Variants in ATG5 observed in about 807,000 individuals in gnomAD.
ATG5 encodes autophagy protein 5.
A neutral mutation model predicts 36.5 loss-of-function variants in ATG5; 14 were observed. The observed-to-expected ratio is 0.38, with a 90% CI of 0.25 to 0.60. The LOEUF (loss-of-function observed/expected upper bound fraction) is 0.60, where lower values mean the gene tolerates loss of function less well. Among genes scored for constraint, ATG5 ranks in the 20% least tolerant of loss-of-function variants. ATG5 has a pLI of 0.60. For missense variants in ATG5, 195 were observed against 326.7 expected (o/e 0.60, Z 3.11); for synonymous variants, 95 against 101.5 (o/e 0.94, Z 0.38).
chr6:106,313,889 T>C (rs1770746204), intron 2 of ATG5, among the ~76,000 whole-genome samples: 1 of 152,202 alleles, frequency 6.6e-6, no homozygotes. Flanking sequence ...CATGTACATA[T>C]TTAAATAGCA....
In ATG5 at chr6:106,306,365, C is replaced by A. The variant is rs1426428974; in HGVS notation, c.236+1999G>T. On this transcript the variant is annotated intron_variant, in intron 3 of 7. Transcript: ENST00000369076. ...AAGATGATGACTTAGCAATCACTTA[C>A]TTTACAAGCTAAATTGAGGTTTCCC... Among the ~76,000 whole-genome samples the A allele has an allele frequency of 3.3e-5, 5 of 152,294 alleles. No homozygotes were observed. The East Asian group carries it at 9.6e-4, about 29-fold the overall frequency.
intron 7 of ATG5, among the ~76,000 whole-genome samples, chr6:106,190,125 G>A (rs770585726): frequency 6.6e-6 from 1 of 152,120 alleles, no homozygotes; most frequent in Non-Finnish European, 1.5e-5. Flanking sequence ...TCCCAATAAT[G>A]TATTTTTCTT....
intron 2 of ATG5, 78 bp downstream of exon 2, chr6:106,316,023 G>T (rs992970745): frequency 8.9e-7 from 1 of 1,127,778 alleles, no homozygotes; most frequent in Non-Finnish European, 1.3e-6. Context: ...TTACATAATG[G>T]CCTCCAAGTT....
At chr6:106,224,893 CAAACAAAACA>C (rs1015816059) in intron 6 of ATG5, among the ~76,000 whole-genome samples, 2 of 152,014 alleles carry the variant, frequency 1.3e-5, no homozygotes, top group African/African-American at 4.8e-5. Context: ...AAAAAACAAA[CAAACAAAACA>C]AAACAAAACA....
At chr6:106,319,886 T>C (rs1242787722) in intron 1 of ATG5, among the ~76,000 whole-genome samples, 1 of 152,142 alleles carries the variant, frequency 6.6e-6, no homozygotes, top group Non-Finnish European at 1.5e-5. Flanking sequence ...AATATAAAAC[T>C]ACAGAACCAA....
chr6:106,322,677 T>C (rs1771133638), intron 1 of ATG5, among the ~76,000 whole-genome samples: 1 of 152,212 alleles, frequency 6.6e-6, no homozygotes, highest in Non-Finnish European at 1.5e-5. Context: ...TGTAAATCTC[T>C]CCAAACTGTA....
intron 5 of ATG5, among the ~76,000 whole-genome samples, chr6:106,267,063 G>A (rs1405524716): frequency 6.6e-6 from 1 of 152,178 alleles, no homozygotes; most frequent in African/African-American, 2.4e-5. Context: ...GTCTCTGTTT[G>A]CAGATGACAT....
intron 4 of ATG5, among the ~76,000 whole-genome samples, chr6:106,284,273 A>C (rs1412281439): frequency 6.6e-6 from 1 of 152,228 alleles, no homozygotes; most frequent in African/African-American, 2.4e-5. Context: ...CAAAAAGGCT[A>C]CACCATTTTA....
chr6:106,295,621 T>C (rs1419227051), intron 3 of ATG5, among the ~76,000 whole-genome samples: 4 of 151,602 alleles, frequency 2.6e-5, no homozygotes, highest in African/African-American at 9.7e-5. Context: ...TGGAGTGCAG[T>C]GGTGCAGTCA....
chr6:106,204,418 AAT>A (rs1273235808), intron 6 of ATG5, among the ~76,000 whole-genome samples: 5 of 152,178 alleles, frequency 3.3e-5, no homozygotes, highest in Admixed American at 1.3e-4. Flanking sequence ...ATATGCATTG[AAT>A]ATGATTTAAT....
chr6:106,241,608 A>G (rs1281329893), intron 6 of ATG5, among the ~76,000 whole-genome samples: 2 of 152,172 alleles, frequency 1.3e-5, no homozygotes, highest in Non-Finnish European at 2.9e-5. Flanking sequence ...ATGCTTCTAT[A>G]TATATGTTTT....
chr6:106,230,756 T>G (rs1777651850), intron 6 of ATG5, among the ~76,000 whole-genome samples: 1 of 152,064 alleles, frequency 6.6e-6, no homozygotes, highest in African/African-American at 2.4e-5. Flanking sequence ...AAAAGACATA[T>G]TCTTCTGCAG....
chr6:106,291,847 A>G (rs558306319), intron 4 of ATG5, among the ~76,000 whole-genome samples: 2 of 152,374 alleles, frequency 1.3e-5, no homozygotes, highest in East Asian at 3.9e-4. Flanking sequence ...CTCTATCTGT[A>G]CTGTTCTTTG....
At chr6:106,206,954 T>C (rs1776657336) in intron 6 of ATG5, among the ~76,000 whole-genome samples, 1 of 152,170 alleles carries the variant, frequency 6.6e-6, no homozygotes, top group Non-Finnish European at 1.5e-5. Flanking sequence ...AGACTAACAA[T>C]ATCCAATGCA....
intron 3 of ATG5, among the ~76,000 whole-genome samples, chr6:106,295,105 C>T (rs1780491719): frequency 6.6e-6 from 1 of 151,698 alleles, no homozygotes; most frequent in Non-Finnish European, 1.5e-5. Flanking sequence ...GTACTATAGA[C>T]AAGTTATAGA....
At position 106,201,992 on chromosome 6, in the gene ATG5, G is replaced by A. The variant is rs761736531; in HGVS notation, c.671C>T (p.Pro224Leu). ...ATTACCTTCAGGATCAATAGCAGAA[G>A]GACAAACTTCTTTGAGGAGATCTCC... ...TLGDLLKEVC[P>L]SAIDPEDGEK... The change falls in exon 7 of 8, where the codon CCT (proline) becomes CTT (leucine). Residue 224 changes from proline to leucine, a missense_variant. Coordinates refer to ENST00000369076, the MANE Select transcript of ATG5 (RefSeq NM_004849.4). 6.2e-7 allele frequency: 1 copy of A among 1,611,924 alleles called. No individual in the cohort carries two copies. The highest frequency in any genetic ancestry group is 1.1e-5 in the South Asian group (1 of 90,738).
intron 3 of ATG5, 118 bp downstream of exon 3, chr6:106,308,246 T>G: frequency 4.0e-5 from 31 of 777,248 alleles, no homozygotes; most frequent in East Asian, 6.5e-5. Context: ...ACATATTGTA[T>G]GAGCTAGACT....
At position 106,263,879 on chromosome 6, in the gene ATG5, A is replaced by G. The variant is rs1018415878; in HGVS notation, c.479-15635T>C. Among the ~76,000 whole-genome samples the G allele has an allele frequency of 2.5e-4, 19 of 74,956 alleles. 1 individual carries two copies. In the South Asian group the frequency reaches 2.8e-3, roughly 11 times the overall value. The allele number at this position is 74,956 out of a possible 152,430, so 49.2% of individuals were successfully genotyped here. ...AAGGTAGATAAATCCACAAAGATGG[A>G]AAAAAAAAAAAAAACAGCACAAAAA... On this transcript the variant is annotated intron_variant, in intron 5 of 7. Transcript: ENST00000369076.
At chr6:106,310,112 A>G (rs1770594628) in intron 2 of ATG5, among the ~76,000 whole-genome samples, 1 of 152,154 alleles carries the variant, frequency 6.6e-6, no homozygotes, top group Non-Finnish European at 1.5e-5. Context: ...TAAGACAGGA[A>G]TTTTTGTCTG....
Sources: allele counts gnomAD v4.1 joint callset (sites outside exome capture counted in the v4.1 genomes callset), GRCh38; gene constraint gnomAD v4.1.1; transcripts MANE v1.5; gene names NCBI Gene and HGNC (gene_info 2026-07-23, HGNC 2026-07-21).